KLC3: variants seen among roughly 807,000 people sequenced by gnomAD.
KLC3 encodes kinesin light chain 3, also known as kinesin light chain 2.
Under a neutral mutation model 62.9 loss-of-function variants are expected in KLC3, and 72 were observed. The observed-to-expected ratio is 1.15, with a 90% CI of 0.95 to 1.39. The LOEUF is 1.39. KLC3 is among the 40% of genes most tolerant of loss of function. The pLI is 0.00. For synonymous variants in KLC3, 377 were observed against 300.5 expected, an observed-to-expected ratio of 1.25 and a Z score of -2.63; for missense variants, 848 against 691.6, an observed-to-expected ratio of 1.23 and a Z score of -2.54.
chr19:45,344,419 C>T (rs1203857624), intron 1 of KLC3, among the ~76,000 whole-genome samples: 2 of 148,828 alleles, frequency 1.3e-5, no homozygotes, highest in Admixed American at 6.7e-5. Context: ...GGGTTTCACC[C>T]TGTTGGCCAG....
chr19:45,345,554 G>A lies in KLC3; in HGVS notation c.13G>A (p.Val5Ile), dbSNP rs768542894. Reference protein sequence around the residue: MSVQVAAPGSAGLGP... With the variant: MSVQIAAPGSAGLGP... ...CCCAGGAGCAGCAATGTCTGTGCAG[G>A]TAGCGGCTCCTGGAAGTGCAGGGCT... The change falls in exon 2 of 13, where the codon GTA (valine) becomes ATA (isoleucine). Residue 5 changes from valine (V) to isoleucine (I), a missense_variant. Val to Ile is a conservative substitution (Grantham distance 29). Transcript: ENST00000391946. 36 of 1,565,552 alleles carry A rather than the reference G, an allele frequency of 2.3e-5. No homozygotes were observed. In the African/African-American group the frequency reaches 4.3e-4, roughly 19 times the overall value.
At chr19:45,342,118 A>G (rs1971408631) in intron 1 of KLC3, among the ~76,000 whole-genome samples, 1 of 151,536 alleles carries the variant, frequency 6.6e-6, no homozygotes, top group Admixed American at 6.6e-5. Context: ...CTGGCTGTGG[A>G]GTGGTGTGTG....
At chr19:45,344,971 G>T in intron 1 of KLC3, 1 of 157,592 alleles carries the variant, frequency 6.3e-6, no homozygotes, top group Non-Finnish European at 1.4e-5. Context: ...TGGGCTTCTG[G>T]GGGCCCTGGC....
chr19:45,349,982 C>T (rs993696295), intron 8 of KLC3: 6 of 420,058 alleles, frequency 1.4e-5, no homozygotes, highest in African/African-American at 8.0e-5. Context: ...CGAGGCCATG[C>T]CACCAGCCCA....
chr19:45,344,499 G>A (rs1369858597), intron 1 of KLC3, among the ~76,000 whole-genome samples: 21 of 151,766 alleles, frequency 1.4e-4, no homozygotes, highest in Admixed American at 1.2e-3. Flanking sequence ...CATTACAGGC[G>A]TGAGCCACTA....
intron 1 of KLC3, among the ~76,000 whole-genome samples, chr19:45,342,595 G>A (rs987861647): frequency 2.0e-5 from 3 of 151,962 alleles, no homozygotes; most frequent in Non-Finnish European, 4.4e-5. Context: ...GTGAAACCCC[G>A]TCTGTACTAA....
rs377489209 is a variant in KLC3, at chr19:45,348,841, T to C, written c.889T>C (p.Leu297=). 44 of 1,574,604 alleles carry C rather than the reference T, an allele frequency of 2.8e-5. No individual in the cohort carries two copies. In the African/African-American group the frequency reaches 5.3e-4, roughly 19 times the overall value. ...HPAVAATLNN[L]AVLYGKRGRY... ...GCAGGTGGCCGCCACGCTCAACAAC[T>C]TGGCTGTCCTCTATGGGAAGCGTGG... Residue 297 remains leucine, a synonymous_variant, in exon 7 of 13, where the codon TTG becomes CTG. Coordinates refer to ENST00000391946, the MANE Select transcript of KLC3 (RefSeq NM_177417.3).
Position 45,343,480 on chromosome 19 carries a change from C to T in KLC3, c.-8-2054C>T, listed in dbSNP as rs530261128. On this transcript the variant is annotated intron_variant, in intron 1 of 12. Coordinates refer to ENST00000391946, the MANE Select transcript of KLC3 (RefSeq NM_177417.3). ...CTCATGAGTAGCTGGGGACTACAGG[C>T]GCATACCACCATGCCTGGCTAATTT... 3.3e-5 allele frequency among the ~76,000 whole-genome samples: 5 copies of T among 152,054 alleles called. No individual in the cohort carries two copies. In the South Asian group the frequency reaches 8.3e-4, roughly 25 times the overall value.
Position 45,351,473 on chromosome 19 carries a change from G to A in KLC3, c.*116G>A, listed in dbSNP as rs898573306. On this transcript the variant is annotated 3_prime_UTR_variant, in exon 13 of 13. Coordinates refer to ENST00000391946, the MANE Select transcript of KLC3 (RefSeq NM_177417.3). ...CCCCCCTTGCCTCTGGGTACCTGGT[G>A]GATAGCTGCCTTCTCCTGCGATTAA... 7.6e-6 allele frequency: 12 copies of A among 1,585,418 alleles called. No individual in the cohort carries two copies. The highest frequency in any genetic ancestry group is 1.7e-5 in the Admixed American group (1 of 59,154).
intron 1 of KLC3, among the ~76,000 whole-genome samples, chr19:45,343,294 T>G (rs1971427282): frequency 6.6e-6 from 1 of 151,754 alleles, no homozygotes; most frequent in Non-Finnish European, 1.5e-5. Flanking sequence ...AGAGACAGAG[T>G]TAGTTTCTGC....
rs1304066970 is a variant in KLC3, at chr19:45,351,006, C to T, written c.1432C>T (p.Pro478Ser). The change falls in exon 12 of 13, where the codon CCT (proline) becomes TCT (serine). Residue 478 changes from proline (P) to serine (S), a missense_variant. By Grantham distance (74) the Pro-to-Ser change is moderately conservative. Coordinates refer to ENST00000391946, the MANE Select transcript of KLC3 (RefSeq NM_177417.3). ...NTLNVDAPRA[P>S]GTQFPSWHLD... ...ACTGAACGTGGATGCTCCAAGGGCTCCTGGGACTCAGGTGAGGGGGACATC... is the reference window on the plus strand; with the variant it reads ...ACTGAACGTGGATGCTCCAAGGGCTTCTGGGACTCAGGTGAGGGGGACATC... 1.9e-6 allele frequency: 3 copies of T among 1,613,914 alleles called. No homozygotes were observed. The highest frequency in any genetic ancestry group is 2.2e-5 in the East Asian group (1 of 44,886).
chr19:45,347,997 C>A lies in KLC3; in HGVS notation c.616C>A (p.Arg206Ser). 1 of 1,608,828 alleles carries A rather than the reference C, an allele frequency of 6.2e-7. No homozygotes were observed. Among genetic ancestry groups the A allele is most frequent in the Non-Finnish European group, 8.5e-7 (1 of 1,177,940 alleles). The part of the protein sequence containing the change: ...AQQGGYEIPA[R>S]LRTLHNLVIQ... ...GCAGGGTGGCTATGAGATCCCTGCC[C>A]GCCTTCGGACCCTGCATAACCTCGT... is the stretch of plus-strand genomic sequence containing the variant. The change falls in exon 5 of 13, where the codon CGC (arginine) becomes AGC (serine). Residue 206 changes from arginine (R) to serine (S), a missense_variant. By Grantham distance (110) the Arg-to-Ser change is moderately radical. Coordinates refer to ENST00000391946, the MANE Select transcript of KLC3 (RefSeq NM_177417.3).
intron 4 of KLC3, among the ~76,000 whole-genome samples, 193 bp from the exon 5 acceptor site, chr19:45,347,748 C>T (rs947284380): frequency 6.6e-6 from 1 of 152,170 alleles, no homozygotes; most frequent in Non-Finnish European, 1.5e-5. Context: ...CTGCCGTGTT[C>T]CTGTCCCGAG....
At position 45,346,529 on chromosome 19, in the gene KLC3, C is replaced by T. The variant is rs1238816563; in HGVS notation, c.259-15C>T. On this transcript the variant is annotated splice_polypyrimidine_tract_variant and intron_variant, in intron 2 of 12. Transcript: ENST00000391946. ...GCAGGAACCAACCTCGACTTGGGACCCCCACCCCGGGCAGGTGCTGCTGGC... is the reference window on the plus strand; with the variant it reads ...GCAGGAACCAACCTCGACTTGGGACTCCCACCCCGGGCAGGTGCTGCTGGC... The T allele has an allele frequency of 6.6e-7, 1 of 1,514,764 alleles. No homozygotes were observed. Among genetic ancestry groups the T allele is most frequent in the Non-Finnish European group, 8.9e-7 (1 of 1,129,214 alleles). 93.8% of individuals were successfully genotyped at this position (1,514,764 alleles called of 1,614,324 possible). A position where few individuals can be genotyped will look rare whatever the true frequency, so the allele number is the denominator to read the frequency against.
Position 45,351,036 on chromosome 19 carries a change from T to C in KLC3, c.1443+19T>C. 1 of 1,613,550 alleles carries C rather than the reference T, an allele frequency of 6.2e-7. No individual in the cohort carries two copies. Among genetic ancestry groups the C allele is most frequent in the Non-Finnish European group, 8.5e-7 (1 of 1,179,838 alleles). The stretch of plus-strand genomic sequence containing the variant: ...GACTCAGGTGAGGGGGACATCTGGG[T>C]CAAAAATAGAGGAGGCCATGTGGGT... On this transcript the variant is annotated intron_variant, in intron 12 of 12. Coordinates refer to ENST00000391946, the MANE Select transcript of KLC3 (RefSeq NM_177417.3).
chr19:45,341,553 TGGTGTG>T (rs1971394133), intron 1 of KLC3, among the ~76,000 whole-genome samples: 1 of 113,938 alleles, frequency 8.8e-6, no homozygotes, highest in South Asian at 3.2e-4. Flanking sequence ...TTCTGCCTGT[TGGTGTG>T]TGTGTGTGTG....
At chr19:45,347,351 AAAAAAC>A in intron 3 of KLC3, 90 bp from the exon 4 acceptor site, 15 of 922,866 alleles carry the variant, frequency 1.6e-5, no homozygotes, top group Middle Eastern at 2.4e-4. Context: ...AAAAAAAAAA[AAAAAAC>A]AAAAAAACAA....
rs535593969 is a variant in KLC3, at chr19:45,346,790, C to T, written c.489+16C>T. 129 of 1,548,940 alleles carry T rather than the reference C, an allele frequency of 8.3e-5. No homozygotes were observed. Among genetic ancestry groups the T allele is most frequent in the Admixed American group, 1.4e-4 (7 of 51,642 alleles). ...GGAGAGCCAGGTGCCACGGGCAGGGCGAGGCGGGGGGTGCTGGGCCCTTCA... is the reference window on the plus strand; with the variant it reads ...GGAGAGCCAGGTGCCACGGGCAGGGTGAGGCGGGGGGTGCTGGGCCCTTCA... On this transcript the variant is annotated intron_variant, in intron 3 of 12. Coordinates refer to ENST00000391946, the MANE Select transcript of KLC3 (RefSeq NM_177417.3).
Position 45,348,160 on chromosome 19 carries a change from G to A in KLC3, c.779G>A (p.Arg260Gln), listed in dbSNP as rs527867937. 25 of 1,577,478 alleles carry A rather than the reference G, an allele frequency of 1.6e-5. No individual in the cohort carries two copies. The highest frequency in any genetic ancestry group is 1.2e-4 in the East Asian group (5 of 43,330). Reference protein sequence around the residue: ...TMLNILALVYRDQNKYKEATD... With the variant: ...TMLNILALVYQDQNKYKEATD... ...CTCAACATCCTGGCGCTGGTGTACC[G>A]GTGAGCACTGCGGCCAGCCATGGCT... The change falls in exon 5 of 13, where the codon CGG becomes CAG. Residue 260 changes from arginine (R) to glutamine (Q), a missense_variant and splice_region_variant. Transcript: ENST00000391946.
Sources: allele counts gnomAD v4.1 joint callset (sites outside exome capture counted in the v4.1 genomes callset), GRCh38; gene constraint gnomAD v4.1.1; transcripts MANE v1.5; gene names NCBI Gene and HGNC (gene_info 2026-07-23, HGNC 2026-07-21).